Variants in ARID1B observed in about 807,000 individuals in gnomAD.
ARID1B encodes the protein AT-rich interaction domain 1B, also known as AT-rich interactive domain-containing protein 1B.
ARID1B carries 30 observed loss-of-function variants against 212.3 expected under a neutral mutation model. The observed-to-expected ratio is 0.14, with a 90% confidence interval of 0.11 to 0.19. ARID1B has a LOEUF of 0.19. Among genes scored for constraint, ARID1B ranks in the 10% least tolerant of loss-of-function variants. The pLI, the probability that ARID1B is intolerant of heterozygous loss-of-function variation, is 1.00. For missense variants in ARID1B, 2,891 were observed against 3,204.0 expected, an observed-to-expected ratio of 0.90 and a Z score of 2.36; for synonymous variants, 1,402 against 1,301.7, an observed-to-expected ratio of 1.08 and a Z score of -1.66.
In ARID1B at chr6:157,084,874, A is replaced by T. The variant is rs2128463309; in HGVS notation, c.2460A>T (p.Arg820=). 6.2e-7 allele frequency: 1 copy of T among 1,613,702 alleles called. No individual in the cohort carries two copies. Among genetic ancestry groups the T allele is most frequent in the South Asian group, 1.1e-5 (1 of 91,034 alleles). Residue 820 remains arginine, a synonymous_variant, in exon 5 of 20, where the codon CGA becomes CGT. Transcript: ENST00000636930. ...VGSPVGSNQS[R]SGPISPASIP... ...CTCCTGTAGGAAGCAACCAGTCTCG[A>T]TCTGGCCCAATCTCTCCTGCAAGTA... is the stretch of plus-strand genomic sequence containing the variant.
chr6:157,210,420 T>A lies in ARID1B; in HGVS notation c.*2529T>A. The A allele has an allele frequency of 4.3e-6, 1 of 231,442 alleles. No individual in the cohort carries two copies. The highest frequency in any genetic ancestry group is 8.5e-6 in the Non-Finnish European group (1 of 116,968). The allele number at this position is 231,442 out of a possible 1,614,324, so 14.3% of individuals were successfully genotyped here. ...AATAATTAACAAAAGACTGTTGTTA[T>A]GGTTTGCATTGTAACCGATACGCAG... On this transcript the variant is annotated 3_prime_UTR_variant, in exon 20 of 20. Transcript: ENST00000636930.
chr6:157,103,718 G>A (rs918323748), intron 5 of ARID1B, among the ~76,000 whole-genome samples: 4 of 151,718 alleles, frequency 2.6e-5, no homozygotes, highest in Non-Finnish European at 4.4e-5. Context: ...ACTTCTCCTA[G>A]TGTAAGATTC....
intron 2 of ARID1B, among the ~76,000 whole-genome samples, chr6:156,881,071 T>G (rs887402463): frequency 6.6e-6 from 1 of 152,210 alleles, no homozygotes; most frequent in African/African-American, 2.4e-5. Context: ...GACAGCGTGT[T>G]GCCTGGGGCC....
chr6:156,776,225 C>G (rs762879337), upstream of ARID1B: 1 of 152,078 alleles, frequency 6.6e-6, no homozygotes, highest in Non-Finnish European at 1.5e-5. Flanking sequence ...AGAAGTCTTG[C>G]TTTTTAAAAT....
intron 8 of ARID1B, among the ~76,000 whole-genome samples, chr6:157,154,059 A>G (rs1376678588): frequency 6.6e-6 from 1 of 152,196 alleles, no homozygotes; most frequent in African/African-American, 2.4e-5. Flanking sequence ...TATTAGTCCT[A>G]GATGGTACCT....
intron 1 of ARID1B, among the ~76,000 whole-genome samples, chr6:156,808,484 C>T (rs1015660114): frequency 2.6e-5 from 4 of 152,158 alleles, no homozygotes; most frequent in Admixed American, 6.5e-5. Context: ...CTACATTGAC[C>T]GTGAACCAGA....
At chr6:157,134,929 G>C (rs1788812454) in intron 7 of ARID1B, among the ~76,000 whole-genome samples, 1 of 151,978 alleles carries the variant, frequency 6.6e-6, no homozygotes, top group African/African-American at 2.4e-5. Context: ...TCTGAAATTT[G>C]TCTCCATACT....
chr6:157,009,293 G>A (rs1412167939), intron 4 of ARID1B, among the ~76,000 whole-genome samples: 10 of 152,202 alleles, frequency 6.6e-5, no homozygotes, highest in South Asian at 2.1e-4. Flanking sequence ...TGGTAATGGC[G>A]TGCAAGTCAG....
At chr6:156,973,755 C>T (rs897449811) in intron 4 of ARID1B, among the ~76,000 whole-genome samples, 1 of 152,182 alleles carries the variant, frequency 6.6e-6, no homozygotes. Flanking sequence ...CCTGCCCCCA[C>T]TTATTTTTGG....
intron 8 of ARID1B, among the ~76,000 whole-genome samples, chr6:157,155,807 C>T (rs1790538552): frequency 6.6e-6 from 1 of 152,124 alleles, no homozygotes; most frequent in Non-Finnish European, 1.5e-5. Flanking sequence ...TGACTAGCTG[C>T]CTTCCTCTGC....
At chr6:157,130,545 A>G (rs768456484) in intron 6 of ARID1B, among the ~76,000 whole-genome samples, 3 of 152,236 alleles carry the variant, frequency 2.0e-5, no homozygotes, top group Admixed American at 6.5e-5. Flanking sequence ...GAAGCTGCCA[A>G]TTGAGCCCAA....
In ARID1B at chr6:157,200,948, C is replaced by A. The variant is rs761599931; in HGVS notation, c.4723C>A (p.Leu1575Met). ...CCCGCCTCAGATGATGGGCGGCCCG[C>A]TGCAGTCGTCCTCCAGTGAGGGGCC... ...GIPPQMMGGPLQSSSSEGPQQ... is the reference protein window; with the variant it reads ...GIPPQMMGGPMQSSSSEGPQQ... Residue 1575 changes from leucine (L) to methionine (M), a missense_variant, in exon 18 of 20, where the codon CTG becomes ATG. Leu to Met is a conservative substitution (Grantham distance 15). Transcript: ENST00000636930. This position sits in a 1 kb window ranked among gnomAD's most constrained non-coding sequence, Gnocchi z 4.3. 4.3e-6 allele frequency: 7 copies of A among 1,614,008 alleles called. No homozygotes were observed. The Middle Eastern group carries it at 5.0e-4, about 114-fold the overall frequency.
In ARID1B at chr6:156,779,265, C is replaced by CCGA; in HGVS notation, c.1587_1588insACG (p.Pro529_Pro530insThr). On this transcript the variant is annotated inframe_insertion, in exon 1 of 20. Coordinates refer to ENST00000636930, the MANE Select transcript of ARID1B (RefSeq NM_001374828.1). Reference sequence around the variant, plus strand: ...CCCCGAGTACAGCAGCCCCAGCGCGCCGCCGCCGCCGCCGTCGCAGCCCCA... The same window carrying CCGA: ...CCCCGAGTACAGCAGCCCCAGCGCGCCGACGCCGCCGCCGCCGTCGCAGCCCCA... The CCGA allele has an allele frequency of 8.9e-7, 1 of 1,126,198 alleles. No homozygotes were observed. Among genetic ancestry groups the CCGA allele is most frequent in the Non-Finnish European group, 1.1e-6 (1 of 916,000 alleles). The allele number at this position is 1,126,198 out of a possible 1,614,324, so 69.8% of individuals were successfully genotyped here.
chr6:157,095,090 G>C (rs1785520824), intron 5 of ARID1B, among the ~76,000 whole-genome samples: 1 of 152,152 alleles, frequency 6.6e-6, no homozygotes, highest in African/African-American at 2.4e-5. Flanking sequence ...TCAGGATGAG[G>C]TCCCCTGGGC....
chr6:157,206,250 G>C lies in ARID1B; in HGVS notation c.5478G>C (p.Val1826=), dbSNP rs1465026040. The C allele has an allele frequency of 6.2e-7, 1 of 1,614,054 alleles. No individual in the cohort carries two copies. Among genetic ancestry groups the C allele is most frequent in the Admixed American group, 1.7e-5 (1 of 60,002 alleles). ...DIFGILMEYE[V]GDPSQKALDH... ...TTGGAATTCTTATGGAATATGAAGT[G>C]GGAGACCCCAGCCAAAAAGCACTTG... Residue 1826 remains valine (V), a synonymous_variant, in exon 20 of 20, where the codon GTG becomes GTC. Transcript: ENST00000636930. The surrounding 1 kb of genome is among the most constrained non-coding windows in gnomAD (Gnocchi z 6.8).
At chr6:157,184,580 A>T in intron 13 of ARID1B, 145 bp downstream of exon 13, 1 of 917,492 alleles carries the variant, frequency 1.1e-6, no homozygotes, top group Non-Finnish European at 1.7e-6. Context: ...TTGTTTATTT[A>T]ATTGGACGCC....
Position 157,004,217 on chromosome 6 carries a change from CCAAGAGCTACTGATT to C in ARID1B, c.2247+68642_2247+68656del, listed in dbSNP as rs755506462. On this transcript the variant is annotated intron_variant, in intron 4 of 19. Coordinates refer to ENST00000636930, the MANE Select transcript of ARID1B (RefSeq NM_001374828.1). ...TCTCTGCCTTTTATCTGTTTAAAAT[CCAAGAGCTACTGATT>C]AACATTAGGGCACATGCTACGATGT... Among the ~76,000 whole-genome samples, 5 of 152,146 alleles carry C rather than the reference CCAAGAGCTACTGATT, an allele frequency of 3.3e-5. No homozygotes were observed. The South Asian group carries it at 6.2e-4, about 19-fold the overall frequency.
intron 4 of ARID1B, among the ~76,000 whole-genome samples, chr6:157,015,185 A>G (rs919688756): frequency 6.6e-6 from 1 of 152,160 alleles, no homozygotes; most frequent in Non-Finnish European, 1.5e-5. Context: ...CCTGATGGAG[A>G]TATAAAGAAA....
At chr6:157,158,165 G>A (rs1189302875) in intron 8 of ARID1B, among the ~76,000 whole-genome samples, 3 of 152,192 alleles carry the variant, frequency 2.0e-5, no homozygotes, top group Non-Finnish European at 2.9e-5. Context: ...ATCCTGTCCT[G>A]CACAGAGTGG....
Sources: allele counts gnomAD v4.1 joint callset (sites outside exome capture counted in the v4.1 genomes callset), GRCh38; gene constraint gnomAD v4.1.1; non-coding constraint Gnocchi (gnomAD v3.1); transcripts MANE v1.5; gene names NCBI Gene and HGNC (gene_info 2026-07-23, HGNC 2026-07-21).